POU6F1: variants seen among roughly 807,000 people sequenced by gnomAD.
POU6F1 encodes POU domain, class 6, transcription factor 1.
A neutral mutation model predicts 28.9 loss-of-function variants in POU6F1; 9 were observed. The ratio of observed to expected loss-of-function variants is 0.31; its 90% CI spans 0.19 to 0.54. The LOEUF (loss-of-function observed/expected upper bound fraction) is 0.54, where lower values mean the gene tolerates loss of function less well. Among genes scored for constraint, POU6F1 ranks in the 20% least tolerant of loss-of-function variants. The pLI, the probability that POU6F1 is intolerant of heterozygous loss-of-function variation, is 0.94. For synonymous variants in POU6F1, 173 were observed against 171.1 expected, an observed-to-expected ratio of 1.01 and a Z score of -0.09; for missense variants, 338 against 426.1, an observed-to-expected ratio of 0.79 and a Z score of 1.82.
intron 1 of POU6F1, among the ~76,000 whole-genome samples, chr12:51,211,508 TGAA>T (rs769628231): frequency 2.6e-5 from 4 of 152,120 alleles, no homozygotes; most frequent in Non-Finnish European, 5.9e-5. Flanking sequence ...TTTGGGAGGC[TGAA>T]GGGGGAGGAT....
chr12:51,215,325 C>T (rs1207861014), intron 1 of POU6F1, among the ~76,000 whole-genome samples: 5 of 151,682 alleles, frequency 3.3e-5, no homozygotes, highest in South Asian at 4.2e-4. Context: ...GAGGCCGAGG[C>T]GGGCGGATTA....
intron 8 of POU6F1, among the ~76,000 whole-genome samples, chr12:51,194,956 T>C (rs141451730): frequency 1.4e-3 from 209 of 152,304 alleles, no homozygotes; most frequent in African/African-American, 4.9e-3. Flanking sequence ...ATGCAAACTC[T>C]TGGACCCCAC....
Position 51,197,862 on chromosome 12 carries a change from C to T in POU6F1, c.754G>A (p.Ala252Thr). The T allele has an allele frequency of 2.5e-6, 1 of 404,096 alleles. No individual in the cohort carries two copies. Among genetic ancestry groups the T allele is most frequent in the Admixed American group, 4.4e-5 (1 of 22,756 alleles). The allele number at this position is 404,096 out of a possible 1,614,324, so 25.0% of individuals were successfully genotyped here. Reference sequence around the variant, plus strand: ...GGGGTAGGGGCAGCAGCGGTGGCAGCAGTGGGCTGCGGGAGGATGGCAGGT... The same window carrying T: ...GGGGTAGGGGCAGCAGCGGTGGCAGTAGTGGGCTGCGGGAGGATGGCAGGT... ...TTPAILPQPT[A>T]ATAAAPTPKP... The change falls in exon 6 of 11, where the codon GCT becomes ACT. Residue 252 changes from alanine to threonine, a missense_variant. Physicochemically the swap from Ala to Thr is moderately conservative, Grantham distance 58. Transcript: ENST00000333640.
chr12:51,197,002 G>T, intron 6 of POU6F1, 75 bp from the exon 7 acceptor site: 1 of 809,202 alleles, frequency 1.2e-6, no homozygotes, highest in Non-Finnish European at 2.0e-6. Flanking sequence ...GAGGACAGAG[G>T]GCATTGGGGT....
chr12:51,195,445 C>G (rs1942747484), intron 8 of POU6F1, among the ~76,000 whole-genome samples: 1 of 152,196 alleles, frequency 6.6e-6, no homozygotes, highest in Non-Finnish European at 1.5e-5. Flanking sequence ...GTAATGGTCT[C>G]CAATGCCAAG....
At chr12:51,204,878 A>G (rs1485770022) in intron 2 of POU6F1, among the ~76,000 whole-genome samples, 1 of 152,122 alleles carries the variant, frequency 6.6e-6, no homozygotes, top group Non-Finnish European at 1.5e-5. Context: ...ATGCTCCACA[A>G]TGCTGAGTAA....
At chr12:51,216,534 A>G (rs941499293) in intron 1 of POU6F1, among the ~76,000 whole-genome samples, 13 of 152,242 alleles carry the variant, frequency 8.5e-5, no homozygotes, top group South Asian at 4.1e-4. Flanking sequence ...GAACTAATGA[A>G]GAAATGAAGT....
chr12:51,192,889 A>G (rs1942529798), intron 8 of POU6F1, among the ~76,000 whole-genome samples: 1 of 151,338 alleles, frequency 6.6e-6, no homozygotes, highest in African/African-American at 2.4e-5. Context: ...TGGGCGACAG[A>G]GTGAGACTCC....
At chr12:51,208,781 A>T (rs1943795365) in intron 1 of POU6F1, among the ~76,000 whole-genome samples, 2 of 152,156 alleles carry the variant, frequency 1.3e-5, no homozygotes, top group African/African-American at 4.8e-5. Flanking sequence ...TACAAAAAGT[A>T]CAAAAAGTAG....
Position 51,189,087 on chromosome 12 carries a change from G to A in POU6F1, c.*1160C>T, listed in dbSNP as rs1942230725. 1 of 152,120 alleles carries A rather than the reference G, an allele frequency of 6.6e-6. No individual in the cohort carries two copies. 9.4% of individuals were successfully genotyped at this position (152,120 alleles called of 1,614,324 possible). On this transcript the variant is annotated 3_prime_UTR_variant, in exon 11 of 11. Coordinates refer to ENST00000333640, the MANE Select transcript of POU6F1 (RefSeq NM_001330422.2). ...TGGGGATTGCTTACACACAGACATG[G>A]TCTGAGACTCGACAAAATGAGATTT...
chr12:51,196,871 A>G lies in POU6F1; in HGVS notation c.903T>C (p.Ala301=). The change falls in exon 7 of 11, where the codon GCT becomes GCC. Residue 301 remains alanine, a synonymous_variant. Transcript: ENST00000333640. ...TGGGAATGGCGCTGGTAATGACTGG[A>G]GCTGTAGTGAGGGACCCCAGGATCT... ...QTQILGSLTT[A]PVITSAIPSM... 4 of 1,613,878 alleles carry G rather than the reference A, an allele frequency of 2.5e-6. No individual in the cohort carries two copies. The highest frequency in any genetic ancestry group is 3.4e-6 in the Non-Finnish European group (4 of 1,179,826).
chr12:51,194,665 C>T (rs2137112259), intron 8 of POU6F1, among the ~76,000 whole-genome samples: 1 of 150,046 alleles, frequency 6.7e-6, no homozygotes, highest in East Asian at 2.0e-4. Context: ...AAAAGCTCAT[C>T]TGGTCAGCCA....
chr12:51,206,701 G>C (rs562915517), intron 2 of POU6F1, 88 bp downstream of exon 2: 2 of 398,484 alleles, frequency 5.0e-6, no homozygotes, highest in Non-Finnish European at 8.9e-6. Context: ...AAGAAACAGA[G>C]AGTGAAGGGC....
chr12:51,201,229 G>A (rs1341533409), intron 3 of POU6F1, among the ~76,000 whole-genome samples: 4 of 152,112 alleles, frequency 2.6e-5, no homozygotes, highest in Non-Finnish European at 4.4e-5. Flanking sequence ...CTCAACTCAG[G>A]ACTATACTGT....
intron 1 of POU6F1, among the ~76,000 whole-genome samples, chr12:51,212,941 TG>T (rs1944100796): frequency 6.6e-6 from 1 of 151,892 alleles, no homozygotes; most frequent in Non-Finnish European, 1.5e-5. Flanking sequence ...CTAATGCAGT[TG>T]TTTTTTTTTT....
intron 5 of POU6F1, 38 bp downstream of exon 5, chr12:51,198,512 G>C (rs1268946936): frequency 2.5e-6 from 1 of 399,162 alleles, no homozygotes; most frequent in Non-Finnish European, 4.4e-6. Flanking sequence ...AGTAGAGGGT[G>C]GGGGGCCTGG....
At chr12:51,205,050 T>TA in intron 2 of POU6F1, among the ~76,000 whole-genome samples, 1 of 147,548 alleles carries the variant, frequency 6.8e-6, no homozygotes, top group East Asian at 2.0e-4. Flanking sequence ...TTTTTTTTTT[T>TA]TTTTTTGAGA....
intron 3 of POU6F1, among the ~76,000 whole-genome samples, chr12:51,203,371 G>A (rs1425383757): frequency 6.6e-6 from 1 of 152,156 alleles, no homozygotes; most frequent in East Asian, 1.9e-4. Context: ...CAGGGTCCTT[G>A]TCTTCCCTGC....
At chr12:51,203,290 A>G (rs1232370717) in intron 3 of POU6F1, among the ~76,000 whole-genome samples, 1 of 150,280 alleles carries the variant, frequency 6.7e-6, no homozygotes, top group African/African-American at 2.5e-5. Context: ...AACCTGAGAA[A>G]CCTCCCCTGT....
Sources: gnomAD v4.1 joint callset for allele counts (sites outside exome capture counted in the v4.1 genomes callset) on GRCh38, gnomAD v4.1.1 for gene constraint, MANE v1.5 for transcripts, NCBI Gene and HGNC (gene_info 2026-07-23, HGNC 2026-07-21) for gene names.